ZMYM4: variants seen among roughly 807,000 people sequenced by gnomAD.
ZMYM4 encodes the protein zinc finger MYM-type containing 4.
ZMYM4 carries 31 observed loss-of-function variants against 183.2 expected under a neutral mutation model. That is an observed-to-expected ratio of 0.17 (90% CI 0.13 to 0.23). The LOEUF (loss-of-function observed/expected upper bound fraction) is 0.23, where lower values mean the gene tolerates loss of function less well. Ranked by LOEUF, ZMYM4 falls within the 10% of genes least tolerant of loss-of-function variation. ZMYM4 has a pLI of 1.00. For missense variants in ZMYM4, 1,273 were observed against 1,840.3 expected, an observed-to-expected ratio of 0.69 and a Z score of 5.64; for synonymous variants, 592 against 631.2, an observed-to-expected ratio of 0.94 and a Z score of 0.93.
chr1:35,318,373 C>T (rs1642144758), intron 1 of ZMYM4, among the ~76,000 whole-genome samples: 3 of 151,798 alleles, frequency 2.0e-5, no homozygotes, highest in Admixed American at 2.0e-4. Flanking sequence ...TTTGTTAAGG[C>T]ATGGAAAAGT....
At position 35,421,627 on chromosome 1, in the gene ZMYM4, A is replaced by G. The variant is rs564907547; in HGVS notation, c.*1950A>G. On this transcript the variant is annotated 3_prime_UTR_variant, in exon 30 of 30. Transcript: ENST00000314607. ...AGAACACCCAATACCCAGATAAATG[A>G]CTGTATCAGGATTTCATTTGCATGT... is the stretch of plus-strand genomic sequence containing the variant. 6 of 152,332 alleles carry G rather than the reference A, an allele frequency of 3.9e-5. No individual in the cohort carries two copies. In the East Asian group the frequency reaches 1.2e-3, roughly 29 times the overall value. 9.4% of individuals were successfully genotyped at this position (152,332 alleles called of 1,614,324 possible).
chr1:35,334,701 A>C (rs1054149400), intron 2 of ZMYM4, among the ~76,000 whole-genome samples: 18 of 152,228 alleles, frequency 1.2e-4, no homozygotes. Context: ...GAAGATTCAG[A>C]TATACATAAT....
chr1:35,410,214 AG>A (rs1639825723), intron 26 of ZMYM4, among the ~76,000 whole-genome samples: 2 of 152,174 alleles, frequency 1.3e-5, no homozygotes, highest in South Asian at 4.1e-4. Flanking sequence ...ATGAGAGATC[AG>A]GGCCCCACTG....
intron 25 of ZMYM4, among the ~76,000 whole-genome samples, chr1:35,406,747 C>T (rs1383611715): frequency 2.0e-5 from 3 of 152,100 alleles, no homozygotes; most frequent in Non-Finnish European, 4.4e-5. Flanking sequence ...TCATGAGATA[C>T]GGCTTGCTTT....
chr1:35,340,931 G>C (rs1643178837), intron 2 of ZMYM4, among the ~76,000 whole-genome samples: 1 of 151,818 alleles, frequency 6.6e-6, no homozygotes, highest in South Asian at 2.1e-4. Flanking sequence ...GCAAGGTTGG[G>C]GTCCACTTTT....
Position 35,361,784 on chromosome 1 carries a change from G to T in ZMYM4, c.835G>T (p.Ala279Ser). 1.2e-6 allele frequency: 2 copies of T among 1,601,366 alleles called. No homozygotes were observed. Among genetic ancestry groups the T allele is most frequent in the Admixed American group, 3.6e-5 (2 of 55,976 alleles). ...CAAAATAAAAGATGAACCTGACAAT[G>T]CTCAAGTAAACATTTCACCTTTTTT... ...LDKIKDEPDN[A>S]QEYSHGQQQK... The change falls in exon 5 of 30, where the codon GCT (alanine) becomes TCT (serine). Residue 279 changes from alanine to serine, a missense_variant. Physicochemically the swap from Ala to Ser is moderately conservative, Grantham distance 99. Coordinates refer to ENST00000314607, the MANE Select transcript of ZMYM4 (RefSeq NM_005095.3).
chr1:35,331,307 A>G (rs924406075), intron 2 of ZMYM4, among the ~76,000 whole-genome samples: 1 of 152,196 alleles, frequency 6.6e-6, no homozygotes, highest in Non-Finnish European at 1.5e-5. Flanking sequence ...AGTTCTCAAT[A>G]ATTTTTTAGT....
intron 7 of ZMYM4, among the ~76,000 whole-genome samples, chr1:35,374,019 CTTTTTTT>C (rs397863926): frequency 5.7e-5 from 3 of 52,792 alleles, no homozygotes; most frequent in Non-Finnish European, 1.1e-4. Context: ...TCATGGGATT[CTTTTTTT>C]TTTTTTTTTT....
chr1:35,388,615 A>G (rs1389565634), intron 13 of ZMYM4, among the ~76,000 whole-genome samples: 1 of 152,238 alleles, frequency 6.6e-6, no homozygotes. Context: ...AAAAACTAGT[A>G]TAGATACTCT....
chr1:35,333,548 G>C (rs1558021132), intron 2 of ZMYM4, among the ~76,000 whole-genome samples: 1 of 152,044 alleles, frequency 6.6e-6, no homozygotes, highest in African/African-American at 2.4e-5. Flanking sequence ...GTCAGCTACT[G>C]CGCCTGGCCC....
intron 13 of ZMYM4, among the ~76,000 whole-genome samples, chr1:35,388,517 T>G (rs1478662199): frequency 6.6e-6 from 1 of 152,028 alleles, no homozygotes; most frequent in Non-Finnish European, 1.5e-5. Flanking sequence ...AAAAGTTTCA[T>G]GAAATAAAAT....
intron 2 of ZMYM4, chr1:35,351,003 G>A: frequency 1.2e-6 from 1 of 859,660 alleles, no homozygotes; most frequent in East Asian, 2.4e-5. Context: ...GACAAATTAT[G>A]CTGCAGCGCA....
At chr1:35,360,942 A>AT (rs1643922742) in intron 3 of ZMYM4, among the ~76,000 whole-genome samples, 1 of 145,360 alleles carries the variant, frequency 6.9e-6, no homozygotes, top group African/African-American at 2.8e-5. Context: ...GAGCAAAAAT[A>AT]ATTTTTTTTT....
intron 26 of ZMYM4, among the ~76,000 whole-genome samples, chr1:35,413,108 T>A (rs957849247): frequency 1.3e-5 from 2 of 151,940 alleles, no homozygotes; most frequent in Non-Finnish European, 2.9e-5. Context: ...AGTGATATGA[T>A]CATAGCTTGC....
At chr1:35,387,372 T>C in intron 12 of ZMYM4, 82 bp from the exon 13 acceptor site, 1 of 1,570,510 alleles carries the variant, frequency 6.4e-7, no homozygotes. Flanking sequence ...ATCATACCAT[T>C]TGTTTTGAAA....
At chr1:35,368,903 C>T (rs1190336638) in intron 5 of ZMYM4, among the ~76,000 whole-genome samples, 1 of 152,130 alleles carries the variant, frequency 6.6e-6, no homozygotes, top group East Asian at 1.9e-4. Flanking sequence ...TTTTGCTCTT[C>T]ATGGACCTTG....
intron 1 of ZMYM4, among the ~76,000 whole-genome samples, chr1:35,318,884 G>C (rs1418373356): frequency 6.6e-6 from 1 of 152,134 alleles, no homozygotes; most frequent in East Asian, 1.9e-4. Flanking sequence ...AACTGACACA[G>C]TGTTTTTGTT....
rs1246906261 is a variant in ZMYM4, at chr1:35,302,426, T to C, written c.40-22934T>C. On this transcript the variant is annotated intron_variant, in intron 1 of 29. Transcript: ENST00000314607. ...TTTGAGATGGAGTCTTGCTCTGTTG[T>C]GCAGGCTGGAGTGCAGTGGTGCGAT... is the stretch of plus-strand genomic sequence containing the variant. Among the ~76,000 whole-genome samples, 10 of 146,314 alleles carry C rather than the reference T, an allele frequency of 6.8e-5. 2 individuals are homozygous for C. Among genetic ancestry groups the C allele is most frequent in the African/African-American group, 2.0e-4 (8 of 39,284 alleles).
At chr1:35,318,457 T>G (rs928984073) in intron 1 of ZMYM4, among the ~76,000 whole-genome samples, 3 of 151,758 alleles carry the variant, frequency 2.0e-5, no homozygotes, top group African/African-American at 2.4e-5. Context: ...GGGTTTTTTG[T>G]TTTTTTGTTT....
Sources: gnomAD v4.1 joint callset for allele counts (sites outside exome capture counted in the v4.1 genomes callset) on GRCh38, gnomAD v4.1.1 for gene constraint, MANE v1.5 for transcripts, NCBI Gene and HGNC (gene_info 2026-07-23, HGNC 2026-07-21) for gene names.